Variants in FAM20A observed in about 807,000 individuals in gnomAD.
FAM20A encodes FAM20A golgi associated secretory pathway pseudokinase.
Under a neutral mutation model 52.0 loss-of-function variants are expected in FAM20A, and 42 were observed. The observed-to-expected ratio is 0.81, with a 90% CI of 0.63 to 1.04. FAM20A has a LOEUF of 1.04. FAM20A is among the 50% of genes least tolerant of loss of function. The pLI is 0.00. For missense variants in FAM20A, 742 were observed against 712.7 expected (o/e 1.04, Z -0.47); for synonymous variants, 304 against 298.9 (o/e 1.02, Z -0.18).
At chr17:68,555,847 T>A in intron 1 of FAM20A, 104 bp from the exon 2 acceptor site, 1 of 1,329,664 alleles carries the variant, frequency 7.5e-7, no homozygotes, top group Non-Finnish European at 1.1e-6. Context: ...ATTCCACAAG[T>A]GTATTAAGCA....
intron 3 of FAM20A, among the ~76,000 whole-genome samples, chr17:68,554,053 TACACATATAC>T (rs1274014103): frequency 1.2e-4 from 15 of 128,752 alleles, no homozygotes; most frequent in Non-Finnish European, 2.2e-4. Context: ...TATACACATA[TACACATATAC>T]ACACATATAC....
intron 1 of FAM20A, chr17:68,582,519 A>G (rs1330325980): frequency 1.3e-5 from 2 of 152,254 alleles, no homozygotes; most frequent in African/African-American, 4.8e-5. Context: ...TAAATGGATA[A>G]GGCTGCATAT....
chr17:68,573,763 C>T (rs1444488667), intron 1 of FAM20A, among the ~76,000 whole-genome samples: 1 of 151,966 alleles, frequency 6.6e-6, no homozygotes, highest in Non-Finnish European at 1.5e-5. Context: ...ACTGCAACCT[C>T]TGCCTCCTGG....
intron 3 of FAM20A, 140 bp from the exon 4 acceptor site, chr17:68,552,091 G>C: frequency 1.5e-6 from 1 of 689,250 alleles, no homozygotes. Context: ...GCTCTCCATA[G>C]CCTGCAGGGT....
At position 68,542,036 on chromosome 17, in the gene FAM20A, A is replaced by C; in HGVS notation, c.1058T>G (p.Leu353Arg). 6.2e-7 allele frequency: 1 copy of C among 1,614,130 alleles called. No individual in the cohort carries two copies. The highest frequency in any genetic ancestry group is 1.1e-5 in the South Asian group (1 of 91,082). The change falls in exon 7 of 11, where the codon CTG (leucine) becomes CGG (arginine). Residue 353 changes from leucine (L) to arginine (R), a missense_variant. By Grantham distance (102) the Leu-to-Arg change is moderately radical. Coordinates refer to ENST00000592554, the MANE Select transcript of FAM20A (RefSeq NM_017565.4). Reference protein sequence around the residue: ...FLPSLNLAPRLSVPNPWIRSY... With the variant: ...FLPSLNLAPRRSVPNPWIRSY... ...GCGGATCCAGGGGTTGGGCACAGAC[A>C]GCCTGGGGGCCAGGTTGAGGGACGG...
At chr17:68,539,191 T>C in intron 10 of FAM20A, 146 bp downstream of exon 10, 1 of 736,638 alleles carries the variant, frequency 1.4e-6, no homozygotes, top group Non-Finnish European at 2.4e-6. Flanking sequence ...AGTGCACAAA[T>C]GTGTAGGAAA....
chr17:68,535,353 A>T lies in FAM20A; in HGVS notation c.*2124T>A. ...CTTTCTGTTTGTAGAGTGCAGCAAA[A>T]TGTGTATATAGGCCATTGGAAAACC... is the stretch of plus-strand genomic sequence containing the variant. On this transcript the variant is annotated 3_prime_UTR_variant, in exon 11 of 11. Transcript: ENST00000592554. The T allele has an allele frequency of 2.2e-6, 1 of 454,136 alleles. No homozygotes were observed. Among genetic ancestry groups the T allele is most frequent in the South Asian group, 1.6e-5 (1 of 64,478 alleles). 28.1% of individuals were successfully genotyped at this position (454,136 alleles called of 1,614,324 possible). A position where few individuals can be genotyped will look rare whatever the true frequency, so the allele number is the denominator to read the frequency against.
At chr17:68,539,463 T>G in intron 9 of FAM20A, 67 bp from the exon 10 acceptor site, 1 of 1,407,776 alleles carries the variant, frequency 7.1e-7, no homozygotes, top group Admixed American at 1.7e-5. Context: ...AGGCTTCCTC[T>G]CTCCTCTCAG....
rs2086215366 is a variant in FAM20A at position 68,539,947 on chromosome 17, A to G, written c.1239T>C (p.His413=). Residue 413 remains histidine (H), a synonymous_variant, in exon 9 of 11, where the codon CAT becomes CAC. Transcript: ENST00000592554. ...DFLIGNMDRH[H]YEMFTKFGDD... Reference sequence around the variant, plus strand: ...CCCCGAACTTGGTGAACATCTCATAATGGTGCCGGTCCATATTCCCTGTGA... The same window carrying G: ...CCCCGAACTTGGTGAACATCTCATAGTGGTGCCGGTCCATATTCCCTGTGA... 6 of 1,614,132 alleles carry G rather than the reference A, an allele frequency of 3.7e-6. No homozygotes were observed. Among genetic ancestry groups the G allele is most frequent in the Non-Finnish European group, 5.1e-6 (6 of 1,180,002 alleles).
intron 1 of FAM20A, among the ~76,000 whole-genome samples, chr17:68,575,475 T>G (rs1487621871): frequency 8.8e-6 from 1 of 114,194 alleles, no homozygotes; most frequent in African/African-American, 3.4e-5. Flanking sequence ...TATAATATAT[T>G]TTATATATTA....
chr17:68,571,481 G>C (rs2087533014), intron 1 of FAM20A, among the ~76,000 whole-genome samples: 1 of 152,166 alleles, frequency 6.6e-6, no homozygotes, highest in Non-Finnish European at 1.5e-5. Context: ...TTCTATCCAT[G>C]GAGTTCATAA....
At chr17:68,595,200 T>A (rs2088420371) in intron 1 of FAM20A, among the ~76,000 whole-genome samples, 1 of 152,216 alleles carries the variant, frequency 6.6e-6, no homozygotes, top group Admixed American at 6.5e-5. Flanking sequence ...AAGAAGAGTG[T>A]TGTTAGGAAC....
In FAM20A at chr17:68,600,728, T is replaced by C; in HGVS notation, c.-62A>G. 9 of 1,501,340 alleles carry C rather than the reference T, an allele frequency of 6.0e-6. No individual in the cohort carries two copies. Among genetic ancestry groups the C allele is most frequent in the Non-Finnish European group, 8.0e-6 (9 of 1,128,832 alleles). 93.0% of individuals were successfully genotyped at this position (1,501,340 alleles called of 1,614,324 possible). On this transcript the variant is annotated 5_prime_UTR_variant, in exon 1 of 11. Coordinates refer to ENST00000592554, the MANE Select transcript of FAM20A (RefSeq NM_017565.4). This position sits in a 1 kb window ranked among gnomAD's most constrained non-coding sequence, Gnocchi z 6.2. ...GCTGTCTCCGGGGTCCCGGGAGGGG[T>C]CGCGGGGTGCGGGCAGAAGAGGTGC...
At chr17:68,585,954 G>C (rs1231859421) in intron 1 of FAM20A, among the ~76,000 whole-genome samples, 1 of 152,198 alleles carries the variant, frequency 6.6e-6, no homozygotes, top group African/African-American at 2.4e-5. Context: ...CATCTGCCTA[G>C]TCACTACCAG....
chr17:68,595,585 C>G (rs539081468), intron 1 of FAM20A, among the ~76,000 whole-genome samples: 1 of 152,182 alleles, frequency 6.6e-6, no homozygotes, highest in Non-Finnish European at 1.5e-5. Context: ...TAACCACACA[C>G]GGGCCGTGGT....
intron 1 of FAM20A, among the ~76,000 whole-genome samples, chr17:68,575,791 T>TACAC (rs761949775): frequency 0.088 from 9,185 of 104,076 alleles, 524 homozygotes; most frequent in African/African-American, 0.13. Flanking sequence ...TTTTATATTA[T>TACAC]ACACACACAC....
At position 68,600,566 on chromosome 17, in the gene FAM20A, T is replaced by G. The variant is rs544920000; in HGVS notation, c.101A>C (p.Gln34Pro). ...YFHLWPQVQR[Q>P]LRPRERPRGC... Reference sequence around the variant, plus strand: ...CCGCGGGCGCTCCCGAGGCCGCAGCTGGCGCTGTACTTGGGGCCAGAGGTG... The same window carrying G: ...CCGCGGGCGCTCCCGAGGCCGCAGCGGGCGCTGTACTTGGGGCCAGAGGTG... Residue 34 changes from glutamine to proline, a missense_variant, in exon 1 of 11, where the codon CAG (glutamine) becomes CCG (proline). Gln to Pro is a moderately conservative substitution (Grantham distance 76, BLOSUM62 -1). Coordinates refer to ENST00000592554, the MANE Select transcript of FAM20A (RefSeq NM_017565.4). The surrounding 1 kb of genome is among the most constrained non-coding windows in gnomAD (Gnocchi z 6.2). 3.1e-5 allele frequency: 48 copies of G among 1,557,818 alleles called. No homozygotes were observed. The East Asian group carries it at 1.0e-3, about 33-fold the overall frequency.
chr17:68,575,010 A>C (rs2087686268), intron 1 of FAM20A: 1 of 152,228 alleles, frequency 6.6e-6, no homozygotes, highest in Non-Finnish European at 1.5e-5. Context: ...AGAGACTGGC[A>C]TGAGGTGGCC....
intron 1 of FAM20A, among the ~76,000 whole-genome samples, chr17:68,558,832 C>T (rs981237492): frequency 2.0e-5 from 3 of 152,130 alleles, no homozygotes; most frequent in Non-Finnish European, 4.4e-5. Context: ...AATCTTGGCT[C>T]ACTGCAACCT....
Sources: gnomAD v4.1 joint callset for allele counts (sites outside exome capture counted in the v4.1 genomes callset) on GRCh38, gnomAD v4.1.1 for gene constraint, Gnocchi (gnomAD v3.1) non-coding constraint, MANE v1.5 for transcripts, NCBI Gene and HGNC (gene_info 2026-07-23, HGNC 2026-07-21) for gene names.